Variants in CDK14 observed in about 807,000 individuals in gnomAD.
CDK14 encodes the protein cyclin-dependent kinase 14.
CDK14 carries 34 observed loss-of-function variants against 60.7 expected under a neutral mutation model. That is an observed-to-expected ratio of 0.56 (90% CI 0.43 to 0.75). The LOEUF is 0.75. Ranked by LOEUF, CDK14 falls within the 30% of genes least tolerant of loss-of-function variation. The pLI is 0.00. For synonymous variants in CDK14, 197 were observed against 203.7 expected (o/e 0.97, Z 0.28); for missense variants, 482 against 564.1 (o/e 0.85, Z 1.47).
At chr7:90,656,629 C>T (rs956218480) in intron 2 of CDK14, among the ~76,000 whole-genome samples, 3 of 152,106 alleles carry the variant, frequency 2.0e-5, no homozygotes, top group African/African-American at 4.8e-5. Context: ...CTGCCTGCCT[C>T]GGCCTCCCAA....
chr7:90,816,990 T>G (rs1287270351), intron 5 of CDK14, among the ~76,000 whole-genome samples: 2 of 152,146 alleles, frequency 1.3e-5, no homozygotes, highest in Non-Finnish European at 2.9e-5. Flanking sequence ...GATCTGGCAG[T>G]GAATCACTTA....
At chr7:90,813,329 A>G (rs1322035166) in intron 5 of CDK14, among the ~76,000 whole-genome samples, 4 of 152,064 alleles carry the variant, frequency 2.6e-5, no homozygotes, top group Admixed American at 2.6e-4. Flanking sequence ...AAAATGTGTC[A>G]GTTCTGGATT....
At chr7:90,668,571 G>A (rs1438328311) in intron 2 of CDK14, among the ~76,000 whole-genome samples, 23 of 151,644 alleles carry the variant, frequency 1.5e-4, no homozygotes, top group Admixed American at 1.4e-3. Context: ...AATCTAAATT[G>A]TTGTCTAATC....
intron 7 of CDK14, among the ~76,000 whole-genome samples, chr7:90,910,137 T>G (rs1792844452): frequency 6.6e-6 from 1 of 152,222 alleles, no homozygotes; most frequent in Non-Finnish European, 1.5e-5. Context: ...TATACTGTAA[T>G]GTTGAATAGC....
intron 10 of CDK14, among the ~76,000 whole-genome samples, chr7:91,045,228 C>T (rs926437854): frequency 2.6e-5 from 4 of 152,082 alleles, no homozygotes; most frequent in Non-Finnish European, 5.9e-5. Flanking sequence ...TGGAATGTGC[C>T]CAGTTACATG....
At chr7:91,068,169 T>C (rs1798033029) in intron 11 of CDK14, among the ~76,000 whole-genome samples, 1 of 152,266 alleles carries the variant, frequency 6.6e-6, no homozygotes, top group South Asian at 2.1e-4. Context: ...GGCTGAATTA[T>C]GTTGCATCTT....
rs549189752 is a variant in CDK14, at chr7:90,617,315, C to T, written c.123+13066C>T. Reference sequence around the variant, plus strand: ...GTATTCTAACCTAGTCTCTCTGCATCCAAACTACGCTGCCTCCCAGGAGAA... The same window carrying T: ...GTATTCTAACCTAGTCTCTCTGCATTCAAACTACGCTGCCTCCCAGGAGAA... On this transcript the variant is annotated intron_variant, in intron 2 of 14. Coordinates refer to ENST00000380050, the MANE Select transcript of CDK14 (RefSeq NM_001287135.2). Among the ~76,000 whole-genome samples the T allele has an allele frequency of 2.0e-5, 3 of 151,934 alleles. No individual in the cohort carries two copies. In the East Asian group the frequency reaches 5.8e-4, roughly 29 times the overall value.
intron 4 of CDK14, among the ~76,000 whole-genome samples, chr7:90,760,627 T>G (rs1344192787): frequency 6.6e-6 from 1 of 152,220 alleles, no homozygotes; most frequent in East Asian, 1.9e-4. Flanking sequence ...GGACCAAAGC[T>G]TATTATTACA....
At chr7:90,962,645 G>C (rs1162880899) in intron 9 of CDK14, among the ~76,000 whole-genome samples, 2 of 152,058 alleles carry the variant, frequency 1.3e-5, no homozygotes, top group Non-Finnish European at 2.9e-5. Context: ...GTAAAATGAG[G>C]CATTGTTCAC....
At chr7:91,174,281 G>T (rs1394624673) in intron 14 of CDK14, among the ~76,000 whole-genome samples, 1 of 151,856 alleles carries the variant, frequency 6.6e-6, no homozygotes, top group East Asian at 1.9e-4. Context: ...AAACAGAAAG[G>T]ACATCCACAC....
chr7:90,944,521 C>A (rs1794040850), intron 8 of CDK14, among the ~76,000 whole-genome samples: 1 of 152,122 alleles, frequency 6.6e-6, no homozygotes, highest in Admixed American at 6.5e-5. Context: ...CCACTTGAGC[C>A]CAGGAGTTTG....
chr7:91,160,866 TTATTC>T (rs1801150660), intron 14 of CDK14, among the ~76,000 whole-genome samples: 2 of 152,216 alleles, frequency 1.3e-5, no homozygotes, highest in Non-Finnish European at 2.9e-5. Flanking sequence ...CCTCATTTCT[TTATTC>T]TATAATTGCA....
intron 2 of CDK14, among the ~76,000 whole-genome samples, chr7:90,668,696 A>ATTATT (rs1554431005): frequency 2.3e-4 from 16 of 68,434 alleles, no homozygotes; most frequent in Non-Finnish European, 3.3e-4. Flanking sequence ...AAGGACTCGC[A>ATTATT]TTCTTTTTTT....
chr7:90,710,420 A>C (rs1427637770), intron 2 of CDK14: 1 of 985,176 alleles, frequency 1.0e-6, no homozygotes, highest in Non-Finnish European at 1.2e-6. Flanking sequence ...ACTGATGTCC[A>C]TGAATTTAGC....
At chr7:90,963,082 TA>T (rs1337449125) in intron 9 of CDK14, among the ~76,000 whole-genome samples, 5 of 123,390 alleles carry the variant, frequency 4.1e-5, no homozygotes, top group African/African-American at 6.3e-5. Context: ...ATTCTCATCT[TA>T]AGAGTGTGTG....
At chr7:91,054,743 G>A (rs1488107542) in intron 11 of CDK14, among the ~76,000 whole-genome samples, 1 of 152,176 alleles carries the variant, frequency 6.6e-6, no homozygotes, top group African/African-American at 2.4e-5. Flanking sequence ...CAAAGCGGAT[G>A]AATCCTTTTT....
At chr7:90,727,237 G>C (rs547890059) in intron 3 of CDK14, among the ~76,000 whole-genome samples, 3 of 151,992 alleles carry the variant, frequency 2.0e-5, no homozygotes, top group Middle Eastern at 3.4e-3. Flanking sequence ...GTTTTTTTTG[G>C]GGGGGTACTC....
chr7:90,983,302 C>G (rs962195058), intron 9 of CDK14, among the ~76,000 whole-genome samples: 2 of 152,132 alleles, frequency 1.3e-5, no homozygotes, highest in African/African-American at 4.8e-5. Context: ...ATGGACTCAA[C>G]CTAGGTGCCC....
chr7:90,872,798 C>G (rs1373114820), intron 6 of CDK14, among the ~76,000 whole-genome samples: 2 of 152,136 alleles, frequency 1.3e-5, no homozygotes, highest in African/African-American at 2.4e-5. Flanking sequence ...CCAACTGTTG[C>G]TATGGTAAAT....
Sources: allele counts gnomAD v4.1 joint callset (sites outside exome capture counted in the v4.1 genomes callset), GRCh38; gene constraint gnomAD v4.1.1; transcripts MANE v1.5; gene names NCBI Gene and HGNC (gene_info 2026-07-23, HGNC 2026-07-21).